Variants in AKNA observed in about 807,000 individuals in gnomAD.
AKNA encodes the protein AT-hook transcription factor, also known as microtubule organization protein AKNA.
AKNA carries 67 observed loss-of-function variants against 138.8 expected under a neutral mutation model. That is an observed-to-expected ratio of 0.48 (90% CI 0.40 to 0.59). The LOEUF is 0.59. AKNA is among the 20% of genes least tolerant of loss of function. The probability of loss-of-function intolerance (pLI) is 0.00; values close to 1 mark genes in which losing one functional copy is unlikely to be tolerated. For synonymous variants in AKNA, 737 were observed against 754.4 expected (o/e 0.98, Z 0.38); for missense variants, 1,813 against 1,880.4 (o/e 0.96, Z 0.66).
intron 16 of AKNA, among the ~76,000 whole-genome samples, chr9:114,347,337 A>G (rs1353300960): frequency 2.6e-5 from 4 of 152,084 alleles, no homozygotes; most frequent in African/African-American, 9.7e-5. Context: ...CTCCTGCCTC[A>G]GCCTCCTGAG....
chr9:114,353,843 C>T (rs1009383541), intron 14 of AKNA, among the ~76,000 whole-genome samples: 6 of 152,150 alleles, frequency 3.9e-5, no homozygotes. Context: ...AAAAATGGTA[C>T]ACCTGTAAAG....
intron 18 of AKNA, chr9:114,344,235 C>A: frequency 5.4e-6 from 1 of 185,738 alleles, no homozygotes; most frequent in Non-Finnish European, 1.2e-5. Context: ...CTGAATGGCT[C>A]GGGCACAGGG....
chr9:114,349,100 G>A (rs1380369145), intron 15 of AKNA: 6 of 395,020 alleles, frequency 1.5e-5, no homozygotes, highest in South Asian at 3.6e-5. Flanking sequence ...AAGTGTGGGC[G>A]GTGGCTACTG....
At chr9:114,392,460 C>A (rs1238301035), upstream of AKNA, among the ~76,000 whole-genome samples, 1 of 152,250 alleles carries the variant, frequency 6.6e-6, no homozygotes, top group Non-Finnish European at 1.5e-5. Context: ...CCCTTGGAAG[C>A]TGTGTGGCCT....
intron 14 of AKNA, among the ~76,000 whole-genome samples, chr9:114,351,513 C>A (rs924851439): frequency 2.0e-5 from 3 of 152,084 alleles, no homozygotes; most frequent in Non-Finnish European, 4.4e-5. Context: ...CCGTCCCCTG[C>A]ATTAAAAGCA....
At position 114,380,718 on chromosome 9, in the gene AKNA, G is replaced by A. The variant is rs144722294; in HGVS notation, c.274+342C>T. Among the ~76,000 whole-genome samples, 107 of 151,722 alleles carry A rather than the reference G, an allele frequency of 7.1e-4. 1 individual carries two copies. In the East Asian group the frequency reaches 0.017, roughly 23 times the overall value. On this transcript the variant is annotated intron_variant, in intron 2 of 21. Coordinates refer to ENST00000374088, the MANE Select transcript of AKNA (RefSeq NM_001317950.2). ...ATGTGTGATGGCCGGGCTTATGCCT[G>A]TAATCCCAGCACTTTGGGAGGCCGA...
chr9:114,397,550 A>C (rs1184629826), upstream of AKNA, among the ~76,000 whole-genome samples: 2 of 152,192 alleles, frequency 1.3e-5, no homozygotes. Context: ...GTCTTTAAAC[A>C]TAGGTAATGA....
At chr9:114,341,211 A>G (rs1830319392) in intron 21 of AKNA, among the ~76,000 whole-genome samples, 1 of 152,136 alleles carries the variant, frequency 6.6e-6, no homozygotes, top group Non-Finnish European at 1.5e-5. Flanking sequence ...GAAAACCCAT[A>G]AGGAAAATGG....
Position 114,376,869 on chromosome 9 carries a change from C to T in AKNA, c.938G>A (p.Gly313Asp). 1.2e-6 allele frequency: 2 copies of T among 1,614,090 alleles called. No individual in the cohort carries two copies. The highest frequency in any genetic ancestry group is 1.7e-6 in the Non-Finnish European group (2 of 1,179,972). ...SPKPLPSRFI[G>D]SISPLNPQPR... ...CTGGGGATTCAGGGGGCTGATGGAGCCAATGAATCGGGAAGGGAGTGGCTT... is the reference window on the plus strand; with the variant it reads ...CTGGGGATTCAGGGGGCTGATGGAGTCAATGAATCGGGAAGGGAGTGGCTT... The change falls in exon 3 of 22, where the codon GGC becomes GAC. Residue 313 changes from glycine to aspartate, a missense_variant. Coordinates refer to ENST00000374088, the MANE Select transcript of AKNA (RefSeq NM_001317950.2).
Position 114,376,789 on chromosome 9 carries a change from C to T in AKNA, c.1018G>A (p.Gly340Ser). The T allele has an allele frequency of 6.2e-7, 1 of 1,612,220 alleles. No individual in the cohort carries two copies. Among genetic ancestry groups the T allele is most frequent in the Non-Finnish European group, 8.5e-7 (1 of 1,178,890 alleles). The change falls in exon 3 of 22, where the codon GGC (glycine) becomes AGC (serine). Residue 340 changes from glycine to serine, a missense_variant. Coordinates refer to ENST00000374088, the MANE Select transcript of AKNA (RefSeq NM_001317950.2). ...TTGGGGGCATTAGAAGAGGAGCGGC[C>T]AGCCAGAGTGGCTCCCTGTCTGGGC... ...PLPRQGATLA[G>S]RSSSNAPKYG...
At position 114,387,539 on chromosome 9, in the gene AKNA, G is replaced by A. The variant is rs371773436; in HGVS notation, c.-114+321C>T. ...CCTGCATCGTCTCTGAGACCCCTTA[G>A]CAACCAAGGACACTAACTCTCCAGG... On this transcript the variant is annotated intron_variant, in intron 1 of 21. Transcript: ENST00000374088. 7.9e-5 allele frequency among the ~76,000 whole-genome samples: 12 copies of A among 152,276 alleles called. No homozygotes were observed. In the East Asian group the frequency reaches 1.2e-3, roughly 15 times the overall value.
intron 3 of AKNA, among the ~76,000 whole-genome samples, chr9:114,375,712 T>C (rs990498025): frequency 6.6e-5 from 10 of 152,062 alleles, no homozygotes; most frequent in Non-Finnish European, 1.2e-4. Context: ...AGAAAGGTTT[T>C]CGGGGCTGCT....
rs551410698 is a variant in AKNA, at chr9:114,337,319, G to A, written c.4068-13C>T. The A allele has an allele frequency of 7.0e-7, 1 of 1,437,068 alleles. No individual in the cohort carries two copies. Among genetic ancestry groups the A allele is most frequent in the South Asian group, 1.6e-5 (1 of 64,190 alleles). 89.0% of individuals were successfully genotyped at this position (1,437,068 alleles called of 1,614,324 possible). A position where few individuals can be genotyped will look rare whatever the true frequency, so the allele number is the denominator to read the frequency against. On this transcript the variant is annotated splice_polypyrimidine_tract_variant and intron_variant, in intron 21 of 21. Coordinates refer to ENST00000374088, the MANE Select transcript of AKNA (RefSeq NM_001317950.2). The stretch of plus-strand genomic sequence containing the variant: ...AGGCGCATAGTACCTGAGGAGAGAA[G>A]TGAGTGGGCTCGTTACACATGGGGA...
Position 114,359,743 on chromosome 9 carries a change from T to C in AKNA, c.2343A>G (p.Glu781=). ...CTTCCTCCTCCTCCTCCTCTCCTTC[T>C]TCCTCCTCCTCCATTCTCATGGCTT... The part of the protein sequence containing the change: ...LPEAMRMEEE[E]EGEEEEEEEG... The change falls in exon 11 of 22, where the codon GAA becomes GAG. Residue 781 remains glutamate, a synonymous_variant. Transcript: ENST00000374088. 1 of 1,604,488 alleles carries C rather than the reference T, an allele frequency of 6.2e-7. No homozygotes were observed. Among genetic ancestry groups the C allele is most frequent in the South Asian group, 1.1e-5 (1 of 89,108 alleles).
chr9:114,331,699 C>T (rs1366798513), downstream of AKNA: 4 of 1,601,704 alleles, frequency 2.5e-6, no homozygotes, highest in Non-Finnish European at 3.4e-6. Context: ...CAGCCCCAAA[C>T]TCATGCCCCT....
chr9:114,354,364 TAAC>T (rs1176130151), intron 14 of AKNA, among the ~76,000 whole-genome samples: 1 of 152,192 alleles, frequency 6.6e-6, no homozygotes, highest in Non-Finnish European at 1.5e-5. Flanking sequence ...TCATCTGTGA[TAAC>T]AACACCTTCT....
At chr9:114,364,027 C>T (rs10125969) in intron 7 of AKNA, among the ~76,000 whole-genome samples, 63,119 of 151,788 alleles carry the variant, frequency 0.42, 15,079 homozygotes, top group Middle Eastern at 0.57. Context: ...CCAGCCCCCA[C>T]TTTTTTTAAC....
intron 21 of AKNA, 84 bp downstream of exon 21, chr9:114,341,449 T>A: frequency 6.5e-7 from 1 of 1,547,268 alleles, no homozygotes; most frequent in Non-Finnish European, 8.8e-7. Context: ...ATACTGCATC[T>A]CAGCTGCCCC....
At chr9:114,390,784 C>T (rs547685041), upstream of AKNA, among the ~76,000 whole-genome samples, 1 of 152,348 alleles carries the variant, frequency 6.6e-6, no homozygotes, top group East Asian at 1.9e-4. Flanking sequence ...TTTCCTGGGA[C>T]AGATGTGTCC....
Sources: gnomAD v4.1 joint callset for allele counts (sites outside exome capture counted in the v4.1 genomes callset) on GRCh38, gnomAD v4.1.1 for gene constraint, MANE v1.5 for transcripts, NCBI Gene and HGNC (gene_info 2026-07-23, HGNC 2026-07-21) for gene names.